BRAF: variants seen among roughly 807,000 people sequenced by gnomAD.
BRAF encodes the protein B-Raf proto-oncogene, serine/threonine kinase, also known as serine/threonine-protein kinase B-raf.
In BRAF, 16 loss-of-function variants were observed where a neutral mutation model predicts 104.6. The observed-to-expected ratio is 0.15, with a 90% confidence interval of 0.10 to 0.23. The LOEUF (loss-of-function observed/expected upper bound fraction) is 0.23, where lower values mean the gene tolerates loss of function less well. Among genes scored for constraint, BRAF ranks in the 10% least tolerant of loss-of-function variants. The pLI is 1.00. For missense variants in BRAF, 541 were observed against 937.3 expected, an observed-to-expected ratio of 0.58 and a Z score of 5.52; for synonymous variants, 310 against 341.6, an observed-to-expected ratio of 0.91 and a Z score of 1.02.
downstream of BRAF, among the ~76,000 whole-genome samples, chr7:140,716,438 T>A (rs1369621003): frequency 6.6e-6 from 1 of 151,990 alleles, no homozygotes; most frequent in Non-Finnish European, 1.5e-5. Context: ...CAGTTGTTAT[T>A]TCTAGACCAT....
At chr7:140,761,406 A>G (rs1049451350) in intron 14 of BRAF, among the ~76,000 whole-genome samples, 3 of 152,216 alleles carry the variant, frequency 2.0e-5, no homozygotes, top group Non-Finnish European at 2.9e-5. Flanking sequence ...CATGGAAAGG[A>G]ACAAGTGGTA....
At chr7:140,919,101 C>A (rs1296936904) in intron 1 of BRAF, among the ~76,000 whole-genome samples, 1 of 149,414 alleles carries the variant, frequency 6.7e-6, no homozygotes, top group Admixed American at 6.7e-5. Context: ...GAGCTGAGAT[C>A]GCGCCACTGC....
At chr7:140,850,680 A>G (rs1203027097) in intron 1 of BRAF, among the ~76,000 whole-genome samples, 1 of 152,180 alleles carries the variant, frequency 6.6e-6, no homozygotes, top group East Asian at 1.9e-4. Context: ...TCTCCACGTC[A>G]ATATGCATAT....
chr7:140,770,625 T>C (rs1453322888), intron 14 of BRAF, among the ~76,000 whole-genome samples: 6 of 150,708 alleles, frequency 4.0e-5, no homozygotes, highest in South Asian at 2.1e-4. Context: ...GATGAATCAA[T>C]GACTGGCAGG....
At chr7:140,814,789 TAA>T in intron 3 of BRAF, among the ~76,000 whole-genome samples, 5 of 142,830 alleles carry the variant, frequency 3.5e-5, no homozygotes, top group African/African-American at 1.3e-4. Context: ...ATATTATATA[TAA>T]CATATATATA....
At chr7:140,822,911 C>T (rs1009749384) in intron 3 of BRAF, among the ~76,000 whole-genome samples, 1 of 152,164 alleles carries the variant, frequency 6.6e-6, no homozygotes, top group Non-Finnish European at 1.5e-5. Context: ...TAGCTTTTAA[C>T]TCCTGGGCAC....
At chr7:140,879,734 CT>C (rs111477938) in intron 1 of BRAF, among the ~76,000 whole-genome samples, 38,942 of 141,542 alleles carry the variant, frequency 0.28, 7,645 homozygotes, top group African/African-American at 0.57. Flanking sequence ...CAATTTCTTT[CT>C]TTTTTTTTTT....
intron 1 of BRAF, among the ~76,000 whole-genome samples, chr7:140,919,968 A>G (rs1301694851): frequency 6.6e-6 from 1 of 152,038 alleles, no homozygotes; most frequent in African/African-American, 2.4e-5. Flanking sequence ...TCAGCTTCCC[A>G]AGTAGCTGGG....
chr7:140,833,239 C>G (rs1562984586), intron 3 of BRAF, among the ~76,000 whole-genome samples: 1 of 152,090 alleles, frequency 6.6e-6, no homozygotes, highest in African/African-American at 2.4e-5. Flanking sequence ...TCCAACAACC[C>G]CAATTTTACA....
In BRAF at chr7:140,721,518, A is replaced by G. The variant is rs1437850030; in HGVS notation, c.*4976T>C. On this transcript the variant is annotated 3_prime_UTR_variant, in exon 20 of 20. Coordinates refer to ENST00000644969, the MANE Select transcript of BRAF (RefSeq NM_001374258.1). ...GCTTACTGTCTAGTGTACTAATAAA[A>G]CAAACATCTTACCAGTATTTTTAAT... The G allele has an allele frequency of 1.4e-6, 2 of 1,410,390 alleles. No individual in the cohort carries two copies. The highest frequency in any genetic ancestry group is 2.7e-5 in the East Asian group (1 of 37,232). The allele number at this position is 1,410,390 out of a possible 1,614,324, so 87.4% of individuals were successfully genotyped here.
At chr7:140,886,972 G>T (rs1813638208) in intron 1 of BRAF, among the ~76,000 whole-genome samples, 1 of 152,092 alleles carries the variant, frequency 6.6e-6, no homozygotes, top group Non-Finnish European at 1.5e-5. Context: ...CTGGAGGCAG[G>T]GAATCCCATT....
intron 3 of BRAF, among the ~76,000 whole-genome samples, chr7:140,827,966 G>A (rs1243675996): frequency 6.6e-6 from 1 of 151,938 alleles, no homozygotes; most frequent in Non-Finnish European, 1.5e-5. Context: ...GCGCAATCTC[G>A]GCTCACCGCA....
intron 3 of BRAF, 117 bp downstream of exon 3, chr7:140,834,491 TG>T: frequency 3.7e-6 from 5 of 1,360,992 alleles, no homozygotes; most frequent in Non-Finnish European, 5.2e-6. Context: ...CTGTATGACA[TG>T]GATGCCTCTA....
intron 1 of BRAF, among the ~76,000 whole-genome samples, chr7:140,886,005 T>G (rs183391144): frequency 6.6e-6 from 1 of 151,960 alleles, no homozygotes; most frequent in African/African-American, 2.4e-5. Context: ...ATAATAAGAG[T>G]AGGCTGAAAA....
chr7:140,902,799 C>A (rs7798031), intron 1 of BRAF, among the ~76,000 whole-genome samples: 45,661 of 151,918 alleles, frequency 0.3, 10,953 homozygotes, highest in African/African-American at 0.67. Context: ...GAAAAGCAAG[C>A]AAGCAAAACA....
chr7:140,722,299 G>C lies in BRAF; in HGVS notation c.*4195C>G, dbSNP rs534761967. 9.5e-7 allele frequency: 1 copy of C among 1,055,848 alleles called. No individual in the cohort carries two copies. Among genetic ancestry groups the C allele is most frequent in the East Asian group, 5.3e-5 (1 of 18,786 alleles). 65.4% of individuals were successfully genotyped at this position (1,055,848 alleles called of 1,614,324 possible). ...TGTGATTTTGGCTATAAACTCTTTA[G>C]TGCATTTACCTATGCAGTCTAAATT... On this transcript the variant is annotated 3_prime_UTR_variant, in exon 20 of 20. Transcript: ENST00000644969.
chr7:140,759,158 GA>G (rs1798454325), intron 14 of BRAF, among the ~76,000 whole-genome samples: 1 of 152,210 alleles, frequency 6.6e-6, no homozygotes. Flanking sequence ...TGGCAAATAT[GA>G]AGAAGATGCT....
At chr7:140,868,264 G>A (rs1468816311) in intron 1 of BRAF, among the ~76,000 whole-genome samples, 1 of 152,128 alleles carries the variant, frequency 6.6e-6, no homozygotes, top group African/African-American at 2.4e-5. Context: ...ACAGCAGGAG[G>A]AGACACAAAA....
chr7:140,802,973 G>A (rs1016960580), intron 5 of BRAF, among the ~76,000 whole-genome samples: 1 of 152,082 alleles, frequency 6.6e-6, no homozygotes, highest in African/African-American at 2.4e-5. Flanking sequence ...TCCTACACAG[G>A]TAGACCATTT....
Sources: allele counts gnomAD v4.1 joint callset (sites outside exome capture counted in the v4.1 genomes callset), GRCh38; gene constraint gnomAD v4.1.1; transcripts MANE v1.5; gene names NCBI Gene and HGNC (gene_info 2026-07-23, HGNC 2026-07-21).